YKT6: variants seen among roughly 807,000 people sequenced by gnomAD.
YKT6 encodes the protein YKT6 vesicular SNARE protein.
YKT6 carries 12 observed loss-of-function variants against 29.3 expected under a neutral mutation model. The ratio of observed to expected loss-of-function variants is 0.41; its 90% confidence interval spans 0.26 to 0.66. The LOEUF (loss-of-function observed/expected upper bound fraction) is 0.66, where lower values mean the gene tolerates loss of function less well. YKT6 is among the 30% of genes least tolerant of loss of function. YKT6 has a pLI of 0.32. For synonymous variants in YKT6, 86 were observed against 94.3 expected, an observed-to-expected ratio of 0.91 and a Z score of 0.51; for missense variants, 188 against 243.8, an observed-to-expected ratio of 0.77 and a Z score of 1.52.
At chr7:44,211,236 T>C (rs2096346487) in intron 6 of YKT6, 112 bp downstream of exon 6, 2 of 958,762 alleles carry the variant, frequency 2.1e-6, no homozygotes, top group Admixed American at 2.4e-5. Context: ...TGTTGAATCA[T>C]GGTGGATGAT....
At position 44,201,231 on chromosome 7, in the gene YKT6, G is replaced by C; in HGVS notation, c.96G>C (p.Gln32His). The C allele has an allele frequency of 6.2e-7, 1 of 1,612,282 alleles. No homozygotes were observed. Among genetic ancestry groups the C allele is most frequent in the South Asian group, 1.1e-5 (1 of 90,796 alleles). ...ATGTGTCTTCCTTCAGCTTTTTCCAGAGATCCAGGTGAGCGGCACAGGCTG... is the reference window on the plus strand; with the variant it reads ...ATGTGTCTTCCTTCAGCTTTTTCCACAGATCCAGGTGAGCGGCACAGGCTG... ...AYDVSSFSFF[Q>H]RSSVQEFMTF... The change falls in exon 1 of 7, where the codon CAG becomes CAC. Residue 32 changes from glutamine (Q) to histidine (H), a missense_variant. Physicochemically the swap from Gln to His is conservative, Grantham distance 24 (BLOSUM62 0). Transcript: ENST00000223369.
intron 3 of YKT6, 40 bp downstream of exon 3, chr7:44,206,525 A>C (rs1365815137): frequency 1.2e-5 from 18 of 1,554,498 alleles, no homozygotes; most frequent in Non-Finnish European, 1.6e-5. Context: ...TGGATGATGA[A>C]TGGGCACATT....
chr7:44,210,166 T>G (rs1189080395), intron 5 of YKT6, among the ~76,000 whole-genome samples: 1 of 152,224 alleles, frequency 6.6e-6, no homozygotes, highest in African/African-American at 2.4e-5. Context: ...GCTGCTCAGT[T>G]TGGACTTGCC....
In YKT6 at chr7:44,201,069, C is replaced by T. The variant is rs2096334839; in HGVS notation, c.-67C>T. 3 of 1,398,138 alleles carry T rather than the reference C, an allele frequency of 2.1e-6. No homozygotes were observed. The highest frequency in any genetic ancestry group is 2.9e-6 in the Non-Finnish European group (3 of 1,047,948). The allele number at this position is 1,398,138 out of a possible 1,614,324, so 86.6% of individuals were successfully genotyped here. On this transcript the variant is annotated 5_prime_UTR_variant, in exon 1 of 7. Coordinates refer to ENST00000223369, the MANE Select transcript of YKT6 (RefSeq NM_006555.4). ...AGGCGGCGGCGGTCCCGAGGGGCGG[C>T]GGCCGCGCTGCTCCCTGAGAACGGG...
intron 1 of YKT6, among the ~76,000 whole-genome samples, chr7:44,202,570 G>C (rs561621945): frequency 2.1e-4 from 32 of 152,220 alleles, no homozygotes; most frequent in African/African-American, 6.7e-4. Flanking sequence ...TGTCCTCAAG[G>C]CTCATGCATC....
At position 44,204,619 on chromosome 7, in the gene YKT6, G is replaced by T. The variant is rs780979239; in HGVS notation, c.156G>T (p.Ser52=). 2.5e-6 allele frequency: 4 copies of T among 1,614,080 alleles called. No homozygotes were observed. Among genetic ancestry groups the T allele is most frequent in the Non-Finnish European group, 3.4e-6 (4 of 1,180,042 alleles). The change falls in exon 2 of 7, where the codon TCG becomes TCT. Residue 52 remains serine, a synonymous_variant. Transcript: ENST00000223369. ...FTSQLIVERS[S]KGTRASVKEQ... ...GTCAACTGATTGTGGAGCGCTCATC[G>T]AAAGGCACTAGAGCTTCTGTCAAAG...
chr7:44,211,041 C>G lies in YKT6; in HGVS notation c.478C>G (p.Leu160Val), dbSNP rs752644714. 1.9e-6 allele frequency: 3 copies of G among 1,614,036 alleles called. No homozygotes were observed. Among genetic ancestry groups the G allele is most frequent in the East Asian group, 4.5e-5 (2 of 44,890 alleles). ...KIILHNTMES[L>V]LERGEKLDDL... ...TGTCCAGCACAACACCATGGAGTCTCTGTTAGAGCGAGGTGAGAAGCTAGA... is the reference window on the plus strand; with the variant it reads ...TGTCCAGCACAACACCATGGAGTCTGTGTTAGAGCGAGGTGAGAAGCTAGA... Residue 160 changes from leucine (L) to valine (V), a missense_variant, in exon 6 of 7, where the codon CTG becomes GTG. Around this residue, in one of 3 missense-constraint regions of YKT6, gnomAD observed 100 missense variants for 136.3 expected, o/e 0.73. Transcript: ENST00000223369.
chr7:44,213,880 C>T lies in YKT6; in HGVS notation c.*1598C>T, dbSNP rs139407935. The T allele has an allele frequency of 6.6e-6, 1 of 152,242 alleles. No individual in the cohort carries two copies. The highest frequency in any genetic ancestry group is 1.5e-5 in the Non-Finnish European group (1 of 68,076). 9.4% of individuals were successfully genotyped at this position (152,242 alleles called of 1,614,324 possible). A position where few individuals can be genotyped will look rare whatever the true frequency, so the allele number is the denominator to read the frequency against. On this transcript the variant is annotated 3_prime_UTR_variant, in exon 7 of 7. Coordinates refer to ENST00000223369, the MANE Select transcript of YKT6 (RefSeq NM_006555.4). Reference sequence around the variant, plus strand: ...CTACCCCTGAAGAGCCTGTCCATGTCATTTTCCTACTGCCATAGATACCCT... The same window carrying T: ...CTACCCCTGAAGAGCCTGTCCATGTTATTTTCCTACTGCCATAGATACCCT...
intron 4 of YKT6, 67 bp downstream of exon 4, chr7:44,207,559 A>G (rs1348792399): frequency 7.2e-7 from 1 of 1,394,582 alleles, no homozygotes; most frequent in Non-Finnish European, 1.0e-6. Context: ...GAAAAAGCCA[A>G]CTGCCCTGAT....
In YKT6 at chr7:44,204,580, C is replaced by T. The variant is rs371870790; in HGVS notation, c.117C>T (p.Phe39=). The T allele has an allele frequency of 5.0e-6, 8 of 1,614,098 alleles. No individual in the cohort carries two copies. The Admixed American group carries it at 6.7e-5, about 13-fold the overall frequency. The part of the protein sequence containing the change: ...SFFQRSSVQE[F]MTFTSQLIVE... The stretch of plus-strand genomic sequence containing the variant: ...TTGTGTTTCTTAGCGTTCAGGAATT[C>T]ATGACCTTCACGAGTCAACTGATTG... Residue 39 remains phenylalanine, a synonymous_variant, in exon 2 of 7, where the codon TTC becomes TTT. Transcript: ENST00000223369.
At chr7:44,207,565 C>T in intron 4 of YKT6, 73 bp downstream of exon 4, 1 of 1,305,246 alleles carries the variant, frequency 7.7e-7, no homozygotes, top group Non-Finnish European at 1.1e-6. Flanking sequence ...GCCAACTGCC[C>T]TGATAGTTCT....
intron 5 of YKT6, chr7:44,208,481 G>T: frequency 2.6e-6 from 1 of 389,056 alleles, no homozygotes. Flanking sequence ...CCATTTACTG[G>T]GTTCCTAGGG....
chr7:44,201,015 CG>C lies in YKT6; in HGVS notation c.-120del. ...AGGAGGAGGAAGCCGGCGGTGGCCCCGTCAGCAGCCGGCTGCTGAGAGGCCG... is the reference window on the plus strand; with the variant it reads ...AGGAGGAGGAAGCCGGCGGTGGCCCCTCAGCAGCCGGCTGCTGAGAGGCCG... On this transcript the variant is annotated 5_prime_UTR_variant, in exon 1 of 7. Transcript: ENST00000223369. 1 of 748,806 alleles carries C rather than the reference CG, an allele frequency of 1.3e-6. No individual in the cohort carries two copies. Among genetic ancestry groups the C allele is most frequent in the Non-Finnish European group, 2.0e-6 (1 of 488,298 alleles). 46.4% of individuals were successfully genotyped at this position (748,806 alleles called of 1,614,324 possible). A position where few individuals can be genotyped will look rare whatever the true frequency, so the allele number is the denominator to read the frequency against.
At chr7:44,205,840 A>G (rs2096340275) in intron 2 of YKT6, among the ~76,000 whole-genome samples, 1 of 152,186 alleles carries the variant, frequency 6.6e-6, no homozygotes, top group Non-Finnish European at 1.5e-5. Context: ...TTTCTAGACT[A>G]ACCCCCCTAC....
Position 44,212,430 on chromosome 7 carries a change from T to C in YKT6, c.*148T>C, listed in dbSNP as rs2096347869. 2 of 1,003,562 alleles carry C rather than the reference T, an allele frequency of 2.0e-6. No individual in the cohort carries two copies. The highest frequency in any genetic ancestry group is 2.4e-5 in the East Asian group (1 of 40,986). 62.2% of individuals were successfully genotyped at this position (1,003,562 alleles called of 1,614,324 possible). On this transcript the variant is annotated 3_prime_UTR_variant, in exon 7 of 7. Transcript: ENST00000223369. ...TTTTGAAGTTCCTGCGAGAAATGGA[T>C]GGTGGAAGGGTGGCGAATGTTCAAA...
chr7:44,206,454 C>T lies in YKT6; in HGVS notation c.257C>T (p.Pro86Leu). Residue 86 changes from proline (P) to leucine (L), a missense_variant, in exon 3 of 7, where the codon CCA becomes CTA. Transcript: ENST00000223369. ...GTGGTCATTGCTGACAATGAATACC[C>T]ATCCCGGGTGGCCTTTACCTTGCTG... ...AGVVIADNEY[P>L]SRVAFTLLEK... 6.2e-7 allele frequency: 1 copy of T among 1,614,064 alleles called. No homozygotes were observed.
Position 44,201,236 on chromosome 7 carries a change from C to A in YKT6, c.101C>A (p.Ser34Tyr). Residue 34 changes from serine to tyrosine, a missense_variant, in exon 1 of 7, where the codon TCC (serine) becomes TAC (tyrosine). By Grantham distance (144) the Ser-to-Tyr change is moderately radical. Transcript: ENST00000223369. Reference sequence around the variant, plus strand: ...TCTTCCTTCAGCTTTTTCCAGAGATCCAGGTGAGCGGCACAGGCTGGTGGG... The same window carrying A: ...TCTTCCTTCAGCTTTTTCCAGAGATACAGGTGAGCGGCACAGGCTGGTGGG... ...DVSSFSFFQRSSVQEFMTFTS... is the reference protein window; with the variant it reads ...DVSSFSFFQRYSVQEFMTFTS... The A allele has an allele frequency of 6.2e-7, 1 of 1,611,714 alleles. No individual in the cohort carries two copies. The highest frequency in any genetic ancestry group is 2.2e-5 in the East Asian group (1 of 44,750).
At chr7:44,201,830 G>A (rs1009576102) in intron 1 of YKT6, among the ~76,000 whole-genome samples, 4 of 152,200 alleles carry the variant, frequency 2.6e-5, no homozygotes, top group African/African-American at 9.7e-5. Context: ...AATGGGTGAA[G>A]TCACTGAGGT....
At chr7:44,203,180 G>A (rs947657324) in intron 1 of YKT6, among the ~76,000 whole-genome samples, 2 of 152,132 alleles carry the variant, frequency 1.3e-5, no homozygotes, top group African/African-American at 2.4e-5. Flanking sequence ...TGCAACCTCC[G>A]CCTCCTGGGT....
Sources: allele counts gnomAD v4.1 joint callset (sites outside exome capture counted in the v4.1 genomes callset), GRCh38; gene constraint gnomAD v4.1.1; regional missense constraint gnomAD v4.1.1; transcripts MANE v1.5; gene names NCBI Gene and HGNC (gene_info 2026-07-23, HGNC 2026-07-21).